The following DGKB variants were observed in gnomAD, a reference collection of about 807,000 sequenced individuals.
DGKB encodes 90 kDa diacylglycerol kinase.
In DGKB, 67 loss-of-function variants were observed where a neutral mutation model predicts 114.3. The observed-to-expected ratio is 0.59, with a 90% CI of 0.48 to 0.72. The LOEUF is 0.72. Among genes scored for constraint, DGKB ranks in the 30% least tolerant of loss-of-function variants. The pLI, the probability that DGKB is intolerant of heterozygous loss-of-function variation, is 0.00. For missense variants in DGKB, 907 were observed against 975.2 expected (o/e 0.93, Z 0.93); for synonymous variants, 398 against 323.1 (o/e 1.23, Z -2.49).
chr7:14,535,452 A>G (rs149604406), intron 20 of DGKB, among the ~76,000 whole-genome samples: 1 of 152,218 alleles, frequency 6.6e-6, no homozygotes, highest in Non-Finnish European at 1.5e-5. Context: ...ACCTAACTTT[A>G]TACCTCAAGT....
intron 1 of DGKB, among the ~76,000 whole-genome samples, chr7:14,887,283 T>A (rs1460462491): frequency 6.6e-6 from 1 of 151,840 alleles, no homozygotes. Flanking sequence ...TTGCTGATCT[T>A]CTCAGCAACA....
At chr7:14,593,126 G>C (rs1261867409) in intron 17 of DGKB, among the ~76,000 whole-genome samples, 2 of 151,746 alleles carry the variant, frequency 1.3e-5, no homozygotes, top group Non-Finnish European at 2.9e-5. Flanking sequence ...TATTCCAGTG[G>C]GCCATTAATA....
intron 1 of DGKB, among the ~76,000 whole-genome samples, chr7:14,842,973 T>G (rs1848141738): frequency 6.6e-6 from 1 of 152,156 alleles, no homozygotes; most frequent in South Asian, 2.1e-4. Flanking sequence ...ACTGGGAGGC[T>G]GAGGCAGGAG....
In DGKB at chr7:14,718,862, AGAT is replaced by A. The variant is rs1828679338; in HGVS notation, c.323-180_323-178del. The A allele has an allele frequency of 3.4e-5, 18 of 523,848 alleles. No homozygotes were observed. In the South Asian group the frequency reaches 4.5e-4, roughly 13 times the overall value. 32.4% of individuals were successfully genotyped at this position (523,848 alleles called of 1,614,324 possible). A position where few individuals can be genotyped will look rare whatever the true frequency, so the allele number is the denominator to read the frequency against. ...GCTAGACATAGCCTACGACTGTTGT[AGAT>A]GAAGGAGAGTTCTTTGGGATCCACA... On this transcript the variant is annotated intron_variant, in intron 5 of 25. Coordinates refer to ENST00000402815, the MANE Select transcript of DGKB (RefSeq NM_001350709.2).
chr7:14,922,723 T>G (rs551180433), intron 1 of DGKB, among the ~76,000 whole-genome samples: 1 of 152,258 alleles, frequency 6.6e-6, no homozygotes. Context: ...TTTAAAACTC[T>G]TATGAAATTG....
intron 2 of DGKB, among the ~76,000 whole-genome samples, chr7:14,833,822 CA>C (rs1312450039): frequency 6.6e-6 from 1 of 152,040 alleles, no homozygotes; most frequent in Non-Finnish European, 1.5e-5. Flanking sequence ...TTTCTTCCCC[CA>C]CCTCTACTCA....
chr7:14,751,479 T>C (rs1396735848), intron 4 of DGKB, among the ~76,000 whole-genome samples: 1 of 152,196 alleles, frequency 6.6e-6, no homozygotes, highest in Non-Finnish European at 1.5e-5. Context: ...TATTTTATAA[T>C]TGTAGGTAGA....
intron 20 of DGKB, among the ~76,000 whole-genome samples, chr7:14,504,895 T>C (rs1034576753): frequency 1.3e-5 from 2 of 152,164 alleles, no homozygotes; most frequent in Non-Finnish European, 2.9e-5. Context: ...TAGATAAGAA[T>C]AGTCACTGGT....
At chr7:14,657,254 G>C (rs1024361661) in intron 13 of DGKB, among the ~76,000 whole-genome samples, 3 of 151,382 alleles carry the variant, frequency 2.0e-5, no homozygotes, top group African/African-American at 7.3e-5. Context: ...AATTTGAATA[G>C]TGAGAATGTA....
intron 5 of DGKB, among the ~76,000 whole-genome samples, chr7:14,729,168 G>A (rs1830488829): frequency 7.1e-6 from 1 of 140,998 alleles, no homozygotes; most frequent in South Asian, 2.2e-4. Context: ...TGTTGCCCAG[G>A]CTGGAGTGCA....
chr7:14,796,279 A>C (rs1841392138), intron 2 of DGKB, among the ~76,000 whole-genome samples: 2 of 152,212 alleles, frequency 1.3e-5, no homozygotes, highest in Admixed American at 6.5e-5. Flanking sequence ...TGCATTCTCT[A>C]CTTGAAGAAG....
chr7:14,841,309 A>T lies in DGKB; in HGVS notation c.-46T>A. ...TCACATACCAGGTAAAAGATTCTTT[A>T]TTCAGGTGTTGCGCAGAGGTCTATG... On this transcript the variant is annotated 5_prime_UTR_variant, in exon 2 of 26. Transcript: ENST00000402815. 6.4e-7 allele frequency: 1 copy of T among 1,563,148 alleles called. No homozygotes were observed. Among genetic ancestry groups the T allele is most frequent in the Non-Finnish European group, 8.8e-7 (1 of 1,137,406 alleles).
intron 13 of DGKB, among the ~76,000 whole-genome samples, chr7:14,632,840 A>C (rs1303316440): frequency 1.3e-5 from 2 of 151,964 alleles, no homozygotes; most frequent in Non-Finnish European, 2.9e-5. Flanking sequence ...AGAAAAAAGC[A>C]ATATTTCAAT....
intron 21 of DGKB, among the ~76,000 whole-genome samples, chr7:14,442,388 T>C (rs11977908): frequency 0.092 from 14,053 of 152,050 alleles, 766 homozygotes; most frequent in East Asian, 0.22. Context: ...AAATTCTTCA[T>C]GATCACTTTT....
chr7:14,728,911 A>C (rs1049245430), intron 5 of DGKB, among the ~76,000 whole-genome samples: 1 of 151,820 alleles, frequency 6.6e-6, no homozygotes, highest in Non-Finnish European at 1.5e-5. Flanking sequence ...TATGTTGGCC[A>C]GGCTGGTCTC....
intron 17 of DGKB, among the ~76,000 whole-genome samples, chr7:14,594,465 AAG>A (rs1802217191): frequency 6.6e-6 from 1 of 152,096 alleles, no homozygotes; most frequent in African/African-American, 2.4e-5. Context: ...AAATACGATA[AAG>A]AGTGTCAATT....
chr7:14,350,275 A>G (rs982982926), intron 21 of DGKB, among the ~76,000 whole-genome samples: 2 of 152,286 alleles, frequency 1.3e-5, no homozygotes, highest in South Asian at 4.1e-4. Context: ...TCAAGTTTTT[A>G]ACTTTCAAAT....
At chr7:14,689,160 C>CA (rs201979677) in intron 9 of DGKB, among the ~76,000 whole-genome samples, 1,445 of 137,020 alleles carry the variant, frequency 0.011, 25 homozygotes, top group African/African-American at 0.036. Context: ...CCAAGGTCTC[C>CA]AAAAAAAAAA....
At chr7:14,866,794 T>C (rs1851767236) in intron 1 of DGKB, among the ~76,000 whole-genome samples, 1 of 152,166 alleles carries the variant, frequency 6.6e-6, no homozygotes, top group African/African-American at 2.4e-5. Flanking sequence ...ATTCATTTCG[T>C]AGAAACCACC....
Sources: gnomAD v4.1 joint callset for allele counts (sites outside exome capture counted in the v4.1 genomes callset) on GRCh38, gnomAD v4.1.1 for gene constraint, MANE v1.5 for transcripts, NCBI Gene and HGNC (gene_info 2026-07-23, HGNC 2026-07-21) for gene names.